Variants in SPTBN1 observed in about 807,000 individuals in gnomAD.
SPTBN1 encodes the protein spectrin beta chain, non-erythrocytic 1.
In SPTBN1, 32 loss-of-function variants were observed where a neutral mutation model predicts 266.4. The ratio of observed to expected loss-of-function variants is 0.12; its 90% CI spans 0.09 to 0.16. The LOEUF is 0.16. Ranked by LOEUF, SPTBN1 falls within the 10% of genes least tolerant of loss-of-function variation. The pLI, the probability that SPTBN1 is intolerant of heterozygous loss-of-function variation, is 1.00. For missense variants in SPTBN1, 2,296 were observed against 3,067.1 expected, an observed-to-expected ratio of 0.75 and a Z score of 5.94; for synonymous variants, 1,336 against 1,162.2, an observed-to-expected ratio of 1.15 and a Z score of -3.04.
Position 54,487,832 on chromosome 2 carries a change from C to CTTTTTTTTTTTTTT in SPTBN1, c.-48+31316_-48+31329dup, listed in dbSNP as rs70944169. Among the ~76,000 whole-genome samples, 334 of 68,634 alleles carry CTTTTTTTTTTTTTT rather than the reference C, an allele frequency of 4.9e-3. 44 individuals are homozygous for CTTTTTTTTTTTTTT. Among genetic ancestry groups the CTTTTTTTTTTTTTT allele is most frequent in the African/African-American group, 0.013 (242 of 18,156 alleles). The allele number at this position is 68,634 out of a possible 152,430, so 45.0% of individuals were successfully genotyped here. On this transcript the variant is annotated intron_variant, in intron 1 of 35. Transcript: ENST00000356805. The stretch of plus-strand genomic sequence containing the variant: ...TTCACTTGATGGTCTCCTCCTGTGT[C>CTTTTTTTTTTTTTT]TTTTTTTTTTTTTTTGAGACGGAGT...
chr2:54,478,181 C>G (rs1399402205), intron 1 of SPTBN1, among the ~76,000 whole-genome samples: 1 of 152,106 alleles, frequency 6.6e-6, no homozygotes, highest in African/African-American at 2.4e-5. Context: ...CTGTCCGATC[C>G]TGGTCCCAGG....
chr2:54,471,921 A>G (rs968719649), intron 1 of SPTBN1, among the ~76,000 whole-genome samples: 6 of 140,058 alleles, frequency 4.3e-5, no homozygotes, highest in African/African-American at 1.7e-4. Context: ...TTATTAGCAC[A>G]TTATCTGAAA....
intron 1 of SPTBN1, among the ~76,000 whole-genome samples, chr2:54,510,352 T>C (rs911080157): frequency 6.6e-6 from 1 of 152,228 alleles, no homozygotes; most frequent in African/African-American, 2.4e-5. Context: ...TGTCTCCGAA[T>C]ACAATCACAT....
In SPTBN1 at chr2:54,626,317, G is replaced by T; in HGVS notation, c.1644+83G>T. 6.8e-7 allele frequency: 1 copy of T among 1,467,582 alleles called. No individual in the cohort carries two copies. The highest frequency in any genetic ancestry group is 2.5e-5 in the East Asian group (1 of 40,612). 90.9% of individuals were successfully genotyped at this position (1,467,582 alleles called of 1,614,324 possible). ...TGTGACTCATTCACTAAACCCCTAC[G>T]TACAGCTGTGTGCCTTGTCTAACTG... On this transcript the variant is annotated intron_variant, in intron 12 of 35. Transcript: ENST00000356805. The surrounding 1 kb of genome is among the most constrained non-coding windows in gnomAD (Gnocchi z 4.7).
At position 54,630,933 on chromosome 2, in the gene SPTBN1, C is replaced by T. The variant is rs1417649074; in HGVS notation, c.2886C>T (p.Leu962=). The T allele has an allele frequency of 2.5e-6, 4 of 1,613,934 alleles. No homozygotes were observed. The highest frequency in any genetic ancestry group is 2.2e-5 in the East Asian group (1 of 44,870). Residue 962 remains leucine, a synonymous_variant, in exon 16 of 36, where the codon CTC becomes CTT. Transcript: ENST00000356805. ...LSALSIQNYH[L]ECNETKSWIR... is the part of the protein sequence containing the mutation. Reference sequence around the variant, plus strand: ...CCCTGAGCATCCAGAACTACCACCTCGAGTGCAATGAAACCAAATCCTGGA... The same window carrying T: ...CCCTGAGCATCCAGAACTACCACCTTGAGTGCAATGAAACCAAATCCTGGA...
At chr2:54,482,058 G>C (rs553322988) in intron 1 of SPTBN1, among the ~76,000 whole-genome samples, 1 of 152,280 alleles carries the variant, frequency 6.6e-6, no homozygotes, top group African/African-American at 2.4e-5. Flanking sequence ...AGGATTGCAT[G>C]ATGAGTGGGA....
chr2:54,607,288 C>G (rs1469033697), intron 3 of SPTBN1, among the ~76,000 whole-genome samples: 1 of 152,106 alleles, frequency 6.6e-6, no homozygotes, highest in African/African-American at 2.4e-5. Context: ...ATTTACATAC[C>G]ATTTATATTG....
intron 1 of SPTBN1, among the ~76,000 whole-genome samples, chr2:54,505,481 G>C (rs577937958): frequency 6.6e-6 from 1 of 152,284 alleles, no homozygotes; most frequent in South Asian, 2.1e-4. Flanking sequence ...CTGTTAGAAA[G>C]TACCTCCTAA....
Position 54,659,389 on chromosome 2 carries a change from C to T in SPTBN1, c.6356+123C>T, listed in dbSNP as rs148324572. On this transcript the variant is annotated intron_variant, in intron 31 of 35. Transcript: ENST00000356805. Reference sequence around the variant, plus strand: ...ACATGCCCTGCCTACTGATTGCTTCCATAGACTGTTTAAAGGCTGTACAGT... The same window carrying T: ...ACATGCCCTGCCTACTGATTGCTTCTATAGACTGTTTAAAGGCTGTACAGT... 4.6e-5 allele frequency: 43 copies of T among 930,224 alleles called. No homozygotes were observed. The African/African-American group carries it at 6.7e-4, about 14-fold the overall frequency. The allele number at this position is 930,224 out of a possible 1,614,324, so 57.6% of individuals were successfully genotyped here. A position where few individuals can be genotyped will look rare whatever the true frequency, so the allele number is the denominator to read the frequency against.
At chr2:54,656,663 C>G (rs927524133) in intron 29 of SPTBN1, among the ~76,000 whole-genome samples, 1 of 152,186 alleles carries the variant, frequency 6.6e-6, no homozygotes, top group Non-Finnish European at 1.5e-5. Flanking sequence ...TCCTTATGTT[C>G]TAACTCCATC....
chr2:54,490,338 C>G (rs1421434081), intron 1 of SPTBN1, among the ~76,000 whole-genome samples: 1 of 152,124 alleles, frequency 6.6e-6, no homozygotes, highest in African/African-American at 2.4e-5. Flanking sequence ...TCCCAAAGTG[C>G]TAGGAGTACA....
intron 3 of SPTBN1, among the ~76,000 whole-genome samples, chr2:54,609,079 G>T (rs970401627): frequency 6.6e-6 from 1 of 152,270 alleles, no homozygotes; most frequent in Non-Finnish European, 1.5e-5. Flanking sequence ...GAGGTAGAAG[G>T]GGAGGCAGAA....
At chr2:54,578,597 T>C (rs566538611) in intron 2 of SPTBN1, among the ~76,000 whole-genome samples, 54 of 152,322 alleles carry the variant, frequency 3.5e-4, no homozygotes, top group African/African-American at 1.3e-3. Flanking sequence ...TGTTCAGCCT[T>C]ACTTGTATCC....
intron 1 of SPTBN1, among the ~76,000 whole-genome samples, chr2:54,471,230 CAAAA>C (rs1306903029): frequency 6.6e-6 from 1 of 152,124 alleles, no homozygotes; most frequent in Non-Finnish European, 1.5e-5. Flanking sequence ...CGAAAACAAA[CAAAA>C]AGAACAGAAT....
At position 54,629,411 on chromosome 2, in the gene SPTBN1, G is replaced by C; in HGVS notation, c.2277G>C (p.Trp759Cys). The change falls in exon 14 of 36, where the codon TGG (tryptophan) becomes TGC (cysteine). Residue 759 changes from tryptophan to cysteine, a missense_variant. This residue lies in a region of SPTBN1 where 434 missense variants were observed against 573.9 expected (regional missense o/e 0.76). Coordinates refer to ENST00000356805, the MANE Select transcript of SPTBN1 (RefSeq NM_003128.3). ...FQADADDIDAWMLDILKIVSS... is the reference protein window; with the variant it reads ...FQADADDIDACMLDILKIVSS... ...CAGATGCTGATGACATTGATGCCTGGATGCTGGACATCCTCAAGATTGTCT... is the reference window on the plus strand; with the variant it reads ...CAGATGCTGATGACATTGATGCCTGCATGCTGGACATCCTCAAGATTGTCT... The C allele has an allele frequency of 6.2e-7, 1 of 1,614,160 alleles. No homozygotes were observed. The highest frequency in any genetic ancestry group is 8.5e-7 in the Non-Finnish European group (1 of 1,180,044).
chr2:54,551,150 A>G (rs1464482638), intron 2 of SPTBN1, among the ~76,000 whole-genome samples: 1 of 152,218 alleles, frequency 6.6e-6, no homozygotes, highest in East Asian at 1.9e-4. Flanking sequence ...CCCAGGGAAC[A>G]GTATCTTCTC....
chr2:54,533,721 T>G lies in SPTBN1; in HGVS notation c.148+7155T>G, dbSNP rs1299548113. 6.6e-6 allele frequency among the ~76,000 whole-genome samples: 1 copy of G among 152,104 alleles called. No homozygotes were observed. The highest frequency in any genetic ancestry group is 1.5e-5 in the Non-Finnish European group (1 of 68,004). ...ACCCGCCACCACACCTGGCTAATTT[T>G]TGTATTTTTAGTAGAGACGGGGTTT... On this transcript the variant is annotated intron_variant, in intron 2 of 35. Coordinates refer to ENST00000356805, the MANE Select transcript of SPTBN1 (RefSeq NM_003128.3). The surrounding 1 kb of genome is among the most constrained non-coding windows in gnomAD (Gnocchi z 4.2).
chr2:54,592,882 C>G (rs966060171), intron 2 of SPTBN1, among the ~76,000 whole-genome samples: 2 of 152,146 alleles, frequency 1.3e-5, no homozygotes, highest in Non-Finnish European at 2.9e-5. Flanking sequence ...ACTTAGCAGC[C>G]CTTAACCTCA....
chr2:54,591,781 G>T (rs1675700443), intron 2 of SPTBN1, among the ~76,000 whole-genome samples: 1 of 152,190 alleles, frequency 6.6e-6, no homozygotes, highest in Non-Finnish European at 1.5e-5. Context: ...TTTCCATCAT[G>T]CAGTGCCCTT....
Sources: gnomAD v4.1 joint callset for allele counts (sites outside exome capture counted in the v4.1 genomes callset) on GRCh38, gnomAD v4.1.1 for gene constraint, gnomAD v4.1.1 regional missense constraint, Gnocchi (gnomAD v3.1) non-coding constraint, MANE v1.5 for transcripts, NCBI Gene and HGNC (gene_info 2026-07-23, HGNC 2026-07-21) for gene names.